Variants in NPAS3 observed in about 807,000 individuals in gnomAD.
The protein encoded by NPAS3 is neuronal PAS domain-containing protein 3.
NPAS3 carries 14 observed loss-of-function variants against 73.1 expected under a neutral mutation model. That is an observed-to-expected ratio of 0.19 (90% CI 0.13 to 0.30). NPAS3 has a LOEUF of 0.30. NPAS3 is among the 10% of genes least tolerant of loss of function. The pLI is 1.00. For synonymous variants in NPAS3, 620 were observed against 541.5 expected, an observed-to-expected ratio of 1.14 and a Z score of -2.01; for missense variants, 1,096 against 1,250.0, an observed-to-expected ratio of 0.88 and a Z score of 1.86.
At position 33,573,165 on chromosome 14, in the gene NPAS3, G is replaced by T. The variant is rs531411845; in HGVS notation, c.558+12955G>T. 2.5e-4 allele frequency among the ~76,000 whole-genome samples: 38 copies of T among 151,938 alleles called. 1 individual carries two copies. In the South Asian group the frequency reaches 7.9e-3, roughly 32 times the overall value. Reference sequence around the variant, plus strand: ...GAAATATTCCAACATTCAATAGTAGGGCCAAGTAATCAATAAAACAGGTCC... The same window carrying T: ...GAAATATTCCAACATTCAATAGTAGTGCCAAGTAATCAATAAAACAGGTCC... On this transcript the variant is annotated intron_variant, in intron 5 of 11. Coordinates refer to ENST00000356141, the Ensembl canonical transcript of NPAS3.
At chr14:32,983,301 C>T (rs1252938090) in intron 1 of NPAS3, among the ~76,000 whole-genome samples, 1 of 152,014 alleles carries the variant, frequency 6.6e-6, no homozygotes, top group Admixed American at 6.6e-5. Flanking sequence ...AAAATTCTCC[C>T]ACTTCTTACT....
chr14:33,076,186 A>G (rs906020866), intron 2 of NPAS3, among the ~76,000 whole-genome samples: 1 of 152,208 alleles, frequency 6.6e-6, no homozygotes. Context: ...ATAAGGAAAA[A>G]CAAGACCTCA....
intron 4 of NPAS3, among the ~76,000 whole-genome samples, chr14:33,425,211 G>A (rs2048506856): frequency 6.6e-6 from 1 of 152,028 alleles, no homozygotes; most frequent in Non-Finnish European, 1.5e-5. Context: ...AAGTATGCAA[G>A]GCATATTGAA....
At chr14:33,356,252 G>A (rs536526428) in intron 3 of NPAS3, among the ~76,000 whole-genome samples, 6 of 152,336 alleles carry the variant, frequency 3.9e-5, no homozygotes, top group Admixed American at 2.0e-4. Flanking sequence ...GGCTAGTGGC[G>A]AAGTCCGTTC....
chr14:33,026,793 G>T (rs1048051368), intron 1 of NPAS3, among the ~76,000 whole-genome samples: 3 of 151,982 alleles, frequency 2.0e-5, no homozygotes, highest in Admixed American at 2.0e-4. Flanking sequence ...CCTTTTTATT[G>T]CTTTTGTTAA....
intron 4 of NPAS3, among the ~76,000 whole-genome samples, chr14:33,499,987 A>G (rs1566953462): frequency 6.6e-6 from 1 of 151,932 alleles, no homozygotes; most frequent in Non-Finnish European, 1.5e-5. Context: ...AAAGGAATCA[A>G]GGGTTCATTG....
intron 1 of NPAS3, among the ~76,000 whole-genome samples, chr14:33,010,807 C>T (rs2039162054): frequency 6.6e-6 from 1 of 151,854 alleles, no homozygotes; most frequent in Non-Finnish European, 1.5e-5. Context: ...TAGTGGCATG[C>T]ACCTGTAGTC....
intron 4 of NPAS3, among the ~76,000 whole-genome samples, chr14:33,416,094 A>G (rs1439233073): frequency 6.6e-6 from 1 of 152,122 alleles, no homozygotes; most frequent in Non-Finnish European, 1.5e-5. Flanking sequence ...TTTTTAAATC[A>G]AGCTTTGTAC....
At chr14:33,545,629 GGAACTTGT>G (rs2054808612) in intron 4 of NPAS3, among the ~76,000 whole-genome samples, 1 of 152,134 alleles carries the variant, frequency 6.6e-6, no homozygotes, top group Non-Finnish European at 1.5e-5. Context: ...AGCTGAACAT[GGAACTTGT>G]TCAGCTCTGG....
chr14:33,313,026 A>G (rs2043066466), intron 3 of NPAS3, among the ~76,000 whole-genome samples: 1 of 151,994 alleles, frequency 6.6e-6, no homozygotes, highest in Middle Eastern at 3.2e-3. Flanking sequence ...CTGTCCTGAA[A>G]TGAGCTCATG....
intron 3 of NPAS3, among the ~76,000 whole-genome samples, chr14:33,339,359 C>CA (rs2044367978): frequency 6.6e-6 from 1 of 152,016 alleles, no homozygotes; most frequent in African/African-American, 2.4e-5. Flanking sequence ...AAGCAGTGGG[C>CA]AAAGCACAGT....
rs532545056 is a variant in NPAS3 at position 33,162,391 on chromosome 14, C to T, written c.141-52791C>T. On this transcript the variant is annotated intron_variant, in intron 2 of 11. Transcript: ENST00000356141. ...TTACAATTGTAAATACTTTAATATG[C>T]GTTTCACACTGATGAGGGCATTTTT... 3.9e-5 allele frequency among the ~76,000 whole-genome samples: 6 copies of T among 152,150 alleles called. No homozygotes were observed. The East Asian group carries it at 7.7e-4, about 20-fold the overall frequency.
chr14:33,347,627 A>G (rs1379240835), intron 3 of NPAS3, among the ~76,000 whole-genome samples: 1 of 152,200 alleles, frequency 6.6e-6, no homozygotes, highest in African/African-American at 2.4e-5. Context: ...CTTGGTATCC[A>G]TGGGGAATTG....
At chr14:33,022,619 C>T (rs958447439) in intron 1 of NPAS3, among the ~76,000 whole-genome samples, 1 of 141,576 alleles carries the variant, frequency 7.1e-6, no homozygotes, top group African/African-American at 2.7e-5. Context: ...GAGCCGAGAT[C>T]GCGCCACCGC....
At chr14:33,514,016 AC>A (rs2053184889) in intron 4 of NPAS3, among the ~76,000 whole-genome samples, 1 of 151,992 alleles carries the variant, frequency 6.6e-6, no homozygotes, top group Admixed American at 6.6e-5. Flanking sequence ...ATTCATATCC[AC>A]CGGGGGCCAG....
chr14:33,238,168 A>G (rs1039100146), intron 3 of NPAS3, among the ~76,000 whole-genome samples: 21 of 151,994 alleles, frequency 1.4e-4, no homozygotes, highest in African/African-American at 4.8e-4. Context: ...ATTAACTCCA[A>G]AGAAGTCACT....
intron 5 of NPAS3, among the ~76,000 whole-genome samples, chr14:33,578,527 G>A (rs1461911229): frequency 6.6e-6 from 1 of 152,092 alleles, no homozygotes; most frequent in Non-Finnish European, 1.5e-5. Context: ...CAGGGGTTTG[G>A]CCAGTGGGGC....
intron 3 of NPAS3, among the ~76,000 whole-genome samples, chr14:33,295,716 G>C (rs1483768604): frequency 6.6e-6 from 1 of 152,248 alleles, no homozygotes; most frequent in Non-Finnish European, 1.5e-5. Flanking sequence ...TTTTAATGCA[G>C]AGGTATTTAT....
chr14:33,262,622 A>T (rs1489028312), intron 3 of NPAS3, among the ~76,000 whole-genome samples: 1 of 152,182 alleles, frequency 6.6e-6, no homozygotes. Flanking sequence ...CAATTTTTTT[A>T]AATTGTAGAT....
Sources: allele counts gnomAD v4.1 joint callset (sites outside exome capture counted in the v4.1 genomes callset), GRCh38; gene constraint gnomAD v4.1.1; transcripts MANE v1.5; gene names NCBI Gene and HGNC (gene_info 2026-07-23, HGNC 2026-07-21).